PARP9: variants seen among roughly 807,000 people sequenced by gnomAD.
PARP9 encodes poly(ADP-ribose) polymerase family member 9.
PARP9 carries 48 observed loss-of-function variants against 68.8 expected under a neutral mutation model. That is an observed-to-expected ratio of 0.70 (90% CI 0.55 to 0.89). The LOEUF is 0.89. Among genes scored for constraint, PARP9 ranks in the 40% least tolerant of loss-of-function variants. The pLI, the probability that PARP9 is intolerant of heterozygous loss-of-function variation, is 0.00. For missense variants in PARP9, 806 were observed against 969.3 expected (o/e 0.83, Z 2.24); for synonymous variants, 309 against 333.8 (o/e 0.93, Z 0.81).
chr3:122,542,299 T>C (rs1419719731), intron 7 of PARP9, among the ~76,000 whole-genome samples: 1 of 144,268 alleles, frequency 6.9e-6, no homozygotes, highest in Non-Finnish European at 1.5e-5. Flanking sequence ...GGTGTCACTA[T>C]GCTGGTCTTG....
chr3:122,543,968 C>T (rs911921867), intron 7 of PARP9, among the ~76,000 whole-genome samples: 9 of 152,164 alleles, frequency 5.9e-5, no homozygotes, highest in Admixed American at 4.6e-4. Context: ...TACAGATGTC[C>T]GCAAGAATTA....
intron 10 of PARP9, chr3:122,533,766 T>G (rs2077459606): frequency 1.0e-6 from 1 of 985,352 alleles, no homozygotes; most frequent in Admixed American, 6.1e-5. Flanking sequence ...AGAGATTTAT[T>G]CAGAACTGGT....
intron 10 of PARP9, chr3:122,535,891 A>T: frequency 7.5e-7 from 1 of 1,337,080 alleles, no homozygotes; most frequent in East Asian, 3.1e-5. Context: ...GATAGGACAC[A>T]GAAACACATA....
intron 6 of PARP9, 61 bp downstream of exon 6, chr3:122,550,523 A>T: frequency 7.6e-7 from 1 of 1,323,350 alleles, no homozygotes; most frequent in South Asian, 1.3e-5. Context: ...TACTAAACAG[A>T]TGTTGCTGAA....
At chr3:122,561,674 T>C (rs2080216079) in intron 1 of PARP9, among the ~76,000 whole-genome samples, 1 of 152,162 alleles carries the variant, frequency 6.6e-6, no homozygotes, top group African/African-American at 2.4e-5. Flanking sequence ...ACTTCCACCA[T>C]CTCCCTCTTA....
chr3:122,538,539 T>C (rs1187529892), intron 8 of PARP9, among the ~76,000 whole-genome samples: 3 of 152,130 alleles, frequency 2.0e-5, no homozygotes, highest in African/African-American at 7.2e-5. Flanking sequence ...AATAATATGC[T>C]TAGTCCTCAA....
In PARP9 at chr3:122,550,691, C is replaced by T. The variant is rs762938365; in HGVS notation, c.1219G>A (p.Ala407Thr). The T allele has an allele frequency of 4.2e-5, 67 of 1,613,964 alleles. 1 individual carries two copies. The Admixed American group carries it at 1.0e-3, about 25-fold the overall frequency. The change falls in exon 6 of 11, where the codon GCA becomes ACA. Residue 407 changes from alanine to threonine, a missense_variant. Transcript: ENST00000682323. ...TGNMEIKKET[A>T]AEILFDEVLT... ...ACTTCATCAAACAAAATCTCTGCTG[C>T]TGTTTCCTTCTTTATTTCCATGTTT...
In PARP9 at chr3:122,555,394, G is replaced by A. The variant is rs150570348; in HGVS notation, c.777C>T (p.Phe259=). The change falls in exon 4 of 11, where the codon TTC becomes TTT. Residue 259 remains phenylalanine, a synonymous_variant. Transcript: ENST00000682323. ...GTCCCAGCTCACTCTTCCCTAGGAT[G>A]AATTCTGAAGCAGCTTTAAAGGCAG... ...TVAAFKAASE[F]ILGKSELGQE... 1 of 1,614,126 alleles carries A rather than the reference G, an allele frequency of 6.2e-7. No individual in the cohort carries two copies. Among genetic ancestry groups the A allele is most frequent in the South Asian group, 1.1e-5 (1 of 91,090 alleles).
At chr3:122,551,863 T>C (rs1372179757) in intron 5 of PARP9, among the ~76,000 whole-genome samples, 1 of 152,222 alleles carries the variant, frequency 6.6e-6, no homozygotes, top group Non-Finnish European at 1.5e-5. Context: ...TCAGTGTCTA[T>C]CTGCAGTATG....
Position 122,552,447 on chromosome 3 carries a change from G to A in PARP9, c.1078C>T (p.Leu360=), listed in dbSNP as rs2079284820. ...GGTTTAGGAAATTCTGAATGCCACA[G>A]TACATGGTATATATATTTACAGAAC... ...NLFCKYIYHV[L]WHSEFPKPQI... Residue 360 remains leucine, a synonymous_variant, in exon 5 of 11, where the codon CTG becomes TTG. Transcript: ENST00000682323. 1 of 1,613,514 alleles carries A rather than the reference G, an allele frequency of 6.2e-7. No individual in the cohort carries two copies. The highest frequency in any genetic ancestry group is 8.5e-7 in the Non-Finnish European group (1 of 1,179,622).
At chr3:122,561,714 G>A (rs933948003) in intron 1 of PARP9, among the ~76,000 whole-genome samples, 6 of 152,066 alleles carry the variant, frequency 3.9e-5, no homozygotes, top group South Asian at 2.1e-4. Flanking sequence ...TGTCTAAGGC[G>A]TTTTTCATCT....
chr3:122,535,242 T>A, intron 10 of PARP9: 1 of 985,386 alleles, frequency 1.0e-6, no homozygotes, highest in Non-Finnish European at 1.2e-6. Flanking sequence ...CCCAAAAGGC[T>A]TCTTGGTAGG....
Position 122,555,815 on chromosome 3 carries a change from A to ACCAGGG in PARP9, c.350_355dup (p.Ala117_Leu118dup), listed in dbSNP as rs752225659. Reference sequence around the variant, plus strand: ...TTGGATTTCAAATCCACCAGCTTTTACCAGGGCCAGGGCCAGGCCTCCCCC... The same window carrying ACCAGGG: ...TTGGATTTCAAATCCACCAGCTTTTACCAGGGCCAGGGCCAGGGCCAGGCCTCCCCC... On this transcript the variant is annotated inframe_insertion, in exon 4 of 11. Transcript: ENST00000682323. 31 of 1,613,928 alleles carry ACCAGGG rather than the reference A, an allele frequency of 1.9e-5. No homozygotes were observed. In the Admixed American group the frequency reaches 2.3e-4, roughly 12 times the overall value.
chr3:122,559,634 G>C lies in PARP9; in HGVS notation c.-14C>G. On this transcript the variant is annotated 5_prime_UTR_variant, in exon 2 of 11. Transcript: ENST00000682323. ...GGAAAAGTCCATCCTCCAGGTCCCCGGGGGAGTCTTTAAATGTTTATTCCC... is the reference window on the plus strand; with the variant it reads ...GGAAAAGTCCATCCTCCAGGTCCCCCGGGGAGTCTTTAAATGTTTATTCCC... 6.3e-7 allele frequency: 1 copy of C among 1,586,104 alleles called. No individual in the cohort carries two copies. Among genetic ancestry groups the C allele is most frequent in the Non-Finnish European group, 8.6e-7 (1 of 1,166,378 alleles).
At position 122,558,568 on chromosome 3, in the gene PARP9, T is replaced by C; in HGVS notation, c.16-101A>G. On this transcript the variant is annotated intron_variant, in intron 2 of 10. Transcript: ENST00000682323. ...AGTAAACACAATGCAATGGAAATCC[T>C]GCTCAAAGCACTGTGTTTGGGAGGG... 2.1e-6 allele frequency: 3 copies of C among 1,407,380 alleles called. No homozygotes were observed. In the South Asian group the frequency reaches 3.9e-5, roughly 18 times the overall value. The allele number at this position is 1,407,380 out of a possible 1,614,324, so 87.2% of individuals were successfully genotyped here.
intron 3 of PARP9, 51 bp from the exon 4 acceptor site, chr3:122,556,172 A>AAAAAAAAAC: frequency 1.7e-6 from 2 of 1,161,616 alleles, no homozygotes; most frequent in Non-Finnish European, 2.3e-6. Context: ...AAAAAAAAAA[A>AAAAAAAAAC]AGCACAGTTT....
intron 1 of PARP9, among the ~76,000 whole-genome samples, chr3:122,563,194 A>T (rs2080387705): frequency 6.6e-6 from 1 of 152,144 alleles, no homozygotes; most frequent in Non-Finnish European, 1.5e-5. Flanking sequence ...CCCTGCTTAA[A>T]GCCCTTCAGG....
At chr3:122,539,079 T>C (rs1450699289) in intron 8 of PARP9, among the ~76,000 whole-genome samples, 6 of 152,210 alleles carry the variant, frequency 3.9e-5, no homozygotes, top group African/African-American at 1.4e-4. Flanking sequence ...GATGTTAACT[T>C]TGCTTAAAAT....
intron 8 of PARP9, among the ~76,000 whole-genome samples, chr3:122,539,807 GC>G (rs1559820973): frequency 6.6e-6 from 1 of 151,832 alleles, no homozygotes; most frequent in African/African-American, 2.4e-5. Context: ...CAGGTGATGC[GC>G]CCACCTCGGC....
Sources: gnomAD v4.1 joint callset for allele counts (sites outside exome capture counted in the v4.1 genomes callset) on GRCh38, gnomAD v4.1.1 for gene constraint, MANE v1.5 for transcripts, NCBI Gene and HGNC (gene_info 2026-07-23, HGNC 2026-07-21) for gene names.